Variants in PDE4D observed in about 807,000 individuals in gnomAD.
PDE4D encodes the protein 3',5'-cyclic-AMP phosphodiesterase 4D.
A neutral mutation model predicts 87.4 loss-of-function variants in PDE4D; 24 were observed. That is an observed-to-expected ratio of 0.27 (90% CI 0.20 to 0.39). The LOEUF is 0.39. Ranked by LOEUF, PDE4D falls within the 10% of genes least tolerant of loss-of-function variation. The pLI, the probability that PDE4D is intolerant of heterozygous loss-of-function variation, is 1.00. For missense variants in PDE4D, 714 were observed against 1,041.0 expected, an observed-to-expected ratio of 0.69 and a Z score of 4.32; for synonymous variants, 384 against 383.2, an observed-to-expected ratio of 1.00 and a Z score of -0.02.
intron 2 of PDE4D, among the ~76,000 whole-genome samples, chr5:60,182,963 AC>A (rs1159893815): frequency 6.6e-6 from 1 of 151,798 alleles, no homozygotes; most frequent in Non-Finnish European, 1.5e-5. Context: ...TGAAGCCCTA[AC>A]CCCCAATGTG....
upstream of PDE4D, among the ~76,000 whole-genome samples, chr5:59,896,645 A>C (rs1010962167): frequency 6.6e-6 from 1 of 152,240 alleles, no homozygotes; most frequent in Non-Finnish European, 1.5e-5. Context: ...ATACATCAGC[A>C]ACTACTGATC....
At chr5:59,071,540 AGTT>A (rs1428660273) in intron 5 of PDE4D, among the ~76,000 whole-genome samples, 2 of 104,456 alleles carry the variant, frequency 1.9e-5, no homozygotes, top group Non-Finnish European at 3.4e-5. Context: ...CTATTCTCTG[AGTT>A]GTTTTTTTTT....
chr5:60,290,718 T>C, intron 1 of PDE4D, among the ~76,000 whole-genome samples: 1 of 152,072 alleles, frequency 6.6e-6, no homozygotes, highest in East Asian at 1.9e-4. Context: ...GGTGGGAGAA[T>C]CACCTGAGCT....
chr5:59,091,196 T>C (rs1768664993), intron 5 of PDE4D: 7 of 445,524 alleles, frequency 1.6e-5, no homozygotes, highest in South Asian at 1.1e-4. Context: ...GGAATTCTCA[T>C]TACCTTCTCA....
intron 2 of PDE4D, among the ~76,000 whole-genome samples, chr5:60,140,669 G>A (rs547843672): frequency 6.6e-6 from 1 of 151,870 alleles, no homozygotes; most frequent in South Asian, 2.1e-4. Context: ...AGTATTTAAC[G>A]CATCATGAAA....
At chr5:59,247,217 A>G (rs1195265748) in intron 1 of PDE4D, among the ~76,000 whole-genome samples, 1 of 152,170 alleles carries the variant, frequency 6.6e-6, no homozygotes, top group Non-Finnish European at 1.5e-5. Context: ...TCCATGGCCT[A>G]GCTAACTGAA....
intron 5 of PDE4D, among the ~76,000 whole-genome samples, chr5:59,163,620 A>G (rs1479313325): frequency 6.6e-6 from 1 of 152,138 alleles, no homozygotes; most frequent in Non-Finnish European, 1.5e-5. Flanking sequence ...TCTACTTTTT[A>G]CCATATATCT....
intron 1 of PDE4D, among the ~76,000 whole-genome samples, chr5:60,409,156 G>A (rs892314587): frequency 1.3e-5 from 2 of 152,206 alleles, no homozygotes; most frequent in African/African-American, 4.8e-5. Flanking sequence ...GTAACTGGAA[G>A]TGGGGATGGC....
intron 1 of PDE4D, among the ~76,000 whole-genome samples, chr5:59,822,149 T>C (rs922999260): frequency 3.9e-5 from 6 of 152,322 alleles, no homozygotes; most frequent in Middle Eastern, 3.4e-3. Context: ...ATATATGATA[T>C]AATATGGATT....
Position 59,893,494 on chromosome 5 carries a change from G to T in PDE4D, c.129C>A (p.Leu43=). 1 of 1,541,206 alleles carries T rather than the reference G, an allele frequency of 6.5e-7. No homozygotes were observed. Among genetic ancestry groups the T allele is most frequent in the South Asian group, 1.2e-5 (1 of 82,842 alleles). Residue 43 remains leucine, a synonymous_variant, in exon 1 of 15, where the codon CTC becomes CTA. Transcript: ENST00000340635. ...GCAGGAGGCGGAACTGGGGCTGCCG[G>T]AGCGGGTACTGGTGGTGCTGCTCGT... ...WRHEQHHQYP[L]RQPQFRLLHP...
At chr5:59,503,572 T>C (rs2153665371) in intron 1 of PDE4D, among the ~76,000 whole-genome samples, 1 of 152,100 alleles carries the variant, frequency 6.6e-6, no homozygotes, top group East Asian at 1.9e-4. Flanking sequence ...CAGAACTGAG[T>C]TTATTCCAAG....
intron 5 of PDE4D, among the ~76,000 whole-genome samples, chr5:59,058,085 T>G (rs1762608728): frequency 6.6e-6 from 1 of 152,244 alleles, no homozygotes; most frequent in African/African-American, 2.4e-5. Context: ...TTTTGATCTC[T>G]GGTGCTAAAC....
chr5:59,405,942 T>C (rs1307422017), intron 1 of PDE4D, among the ~76,000 whole-genome samples: 2 of 152,204 alleles, frequency 1.3e-5, no homozygotes, highest in Non-Finnish European at 2.9e-5. Flanking sequence ...TAGTATTTTG[T>C]TGAGGATTTC....
chr5:59,300,679 T>A (rs562635415), intron 1 of PDE4D, among the ~76,000 whole-genome samples: 1 of 151,752 alleles, frequency 6.6e-6, no homozygotes, highest in African/African-American at 2.4e-5. Flanking sequence ...ACATGTGAGG[T>A]TTCCCCCCCA....
intron 1 of PDE4D, among the ~76,000 whole-genome samples, chr5:59,572,285 G>T (rs1561234603): frequency 6.6e-6 from 1 of 152,166 alleles, no homozygotes; most frequent in Non-Finnish European, 1.5e-5. Flanking sequence ...TATAAGTTGG[G>T]TTAAAGAAGT....
intron 1 of PDE4D, among the ~76,000 whole-genome samples, chr5:60,339,124 C>T (rs1449541164): frequency 6.6e-6 from 1 of 152,200 alleles, no homozygotes; most frequent in African/African-American, 2.4e-5. Context: ...CTCTTCACAT[C>T]TTCATGGATA....
chr5:59,768,650 A>G (rs544879192), intron 1 of PDE4D: 58 of 1,508,978 alleles, frequency 3.8e-5, no homozygotes, highest in Middle Eastern at 4.9e-4. Flanking sequence ...CTCTCTGTAG[A>G]GCCTGGGGCT....
intron 1 of PDE4D, among the ~76,000 whole-genome samples, chr5:60,356,319 A>G (rs1759617179): frequency 6.6e-6 from 1 of 152,192 alleles, no homozygotes. Flanking sequence ...TTTATTATCA[A>G]GATGAAAATG....
intron 2 of PDE4D, among the ~76,000 whole-genome samples, chr5:60,134,486 T>C (rs1732432878): frequency 6.6e-6 from 1 of 152,154 alleles, no homozygotes; most frequent in Admixed American, 6.6e-5. Flanking sequence ...GCCTGGGTGA[T>C]ATAGCAGACC....
Sources: allele counts gnomAD v4.1 joint callset (sites outside exome capture counted in the v4.1 genomes callset), GRCh38; gene constraint gnomAD v4.1.1; transcripts MANE v1.5; gene names NCBI Gene and HGNC (gene_info 2026-07-23, HGNC 2026-07-21).